The following BPIFB4 variants were observed in gnomAD, a reference collection of about 807,000 sequenced individuals.
BPIFB4 encodes the protein BPI fold containing family B member 4.
BPIFB4 carries 62 observed loss-of-function variants against 69.2 expected under a neutral mutation model. The observed-to-expected ratio is 0.90, with a 90% CI of 0.73 to 1.11. The LOEUF (loss-of-function observed/expected upper bound fraction) is 1.11. BPIFB4 is among the 50% of genes least tolerant of loss of function. The pLI is 0.00. For missense variants in BPIFB4, 789 were observed against 792.0 expected, an observed-to-expected ratio of 1.00 and a Z score of 0.04; for synonymous variants, 330 against 332.7, an observed-to-expected ratio of 0.99 and a Z score of 0.09.
intron 12 of BPIFB4, among the ~76,000 whole-genome samples, chr20:33,097,036 G>A (rs1469727660): frequency 3.3e-5 from 5 of 152,142 alleles, no homozygotes; most frequent in Admixed American, 1.3e-4. Flanking sequence ...CCAGCAATCC[G>A]GGCTCGGGGG....
rs763653111 is a variant in BPIFB4 at position 33,083,395 on chromosome 20, C to A, written c.198C>A (p.Phe66Leu). 1 of 1,613,492 alleles carries A rather than the reference C, an allele frequency of 6.2e-7. No homozygotes were observed. Reference protein sequence around the residue: ...LGVGDIPYNDFHVRGPPPVYT... With the variant: ...LGVGDIPYNDLHVRGPPPVYT... ...TTGGTGATATTCCCTACAATGACTTCCATGTCCGAGGACCCCCCCCAGTAT... is the reference window on the plus strand; with the variant it reads ...TTGGTGATATTCCCTACAATGACTTACATGTCCGAGGACCCCCCCCAGTAT... Residue 66 changes from phenylalanine to leucine, a missense_variant, in exon 5 of 18, where the codon TTC (phenylalanine) becomes TTA (leucine). Physicochemically the swap from Phe to Leu is conservative, Grantham distance 22. Coordinates refer to ENST00000375483, the MANE Select transcript of BPIFB4 (RefSeq NM_182519.3).
At position 33,083,584 on chromosome 20, in the gene BPIFB4, A is replaced by G. The variant is rs1291376079; in HGVS notation, c.387A>G (p.Ala129=). 6.2e-7 allele frequency: 1 copy of G among 1,613,924 alleles called. No individual in the cohort carries two copies. Among genetic ancestry groups the G allele is most frequent in the Non-Finnish European group, 8.5e-7 (1 of 1,179,976 alleles). Residue 129 remains alanine (A), a synonymous_variant, in exon 5 of 18, where the codon GCA becomes GCG. Coordinates refer to ENST00000375483, the MANE Select transcript of BPIFB4 (RefSeq NM_182519.3). ...RNSGYRSAEN[A]YGGHRGLGRY... Reference sequence around the variant, plus strand: ...GTGGCTATCGCAGTGCCGAGAATGCATATGGAGGCCACAGGGGCCTCGGGC... The same window carrying G: ...GTGGCTATCGCAGTGCCGAGAATGCGTATGGAGGCCACAGGGGCCTCGGGC...
chr20:33,089,539 C>T lies in BPIFB4; in HGVS notation c.1032C>T (p.Asp344=), dbSNP rs775785160. 10 of 1,614,132 alleles carry T rather than the reference C, an allele frequency of 6.2e-6. No homozygotes were observed. Among genetic ancestry groups the T allele is most frequent in the Non-Finnish European group, 6.8e-6 (8 of 1,180,046 alleles). The change falls in exon 9 of 18, where the codon GAC becomes GAT. Residue 344 remains aspartate, a synonymous_variant. Transcript: ENST00000375483. ...ATGTGGTGCTGGGTCTTGTCAATGA[C>T]CAGCTGGGCCTCGTGGATTGTAAGT... The part of the protein sequence containing the change: ...IVDVVLGLVN[D]QLGLVDSLIP...
Position 33,086,104 on chromosome 20 carries a change from G to A in BPIFB4, c.866G>A (p.Arg289Gln), listed in dbSNP as rs138318222. The change falls in exon 7 of 18, where the codon CGG becomes CAG. Residue 289 changes from arginine to glutamine, a missense_variant. This residue lies in a region of BPIFB4 where 611 missense variants were observed against 575.4 expected (regional missense o/e 1.06). Coordinates refer to ENST00000375483, the MANE Select transcript of BPIFB4 (RefSeq NM_182519.3). Reference sequence around the variant, plus strand: ...ACCATGGACCGCACGGGTTATCCTCGGCTGGTCATTGAGCGATGTGACACC... The same window carrying A: ...ACCATGGACCGCACGGGTTATCCTCAGCTGGTCATTGAGCGATGTGACACC... ...RLTMDRTGYP[R>Q]LVIERCDTLL... The A allele has an allele frequency of 1.3e-4, 206 of 1,613,514 alleles. 1 individual carries two copies. Among genetic ancestry groups the A allele is most frequent in the African/African-American group, 1.2e-3 (90 of 74,996 alleles).
chr20:33,107,742 A>C lies in BPIFB4; in HGVS notation c.1745-2A>C. ...CATGTCTGACTGTTTTTTATTTTAC[A>C]GCTGTGCTGGGTTCTGGCGTCCCTC... On this transcript the variant is annotated splice_acceptor_variant, in intron 16 of 17. Coordinates refer to ENST00000375483, the MANE Select transcript of BPIFB4 (RefSeq NM_182519.3). LOFTEE classifies it high-confidence loss of function. 6.2e-7 allele frequency: 1 copy of C among 1,613,214 alleles called. No homozygotes were observed. Among genetic ancestry groups the C allele is most frequent in the Admixed American group, 1.7e-5 (1 of 60,028 alleles).
intron 5 of BPIFB4, among the ~76,000 whole-genome samples, chr20:33,084,374 G>A (rs1255693725): frequency 1.3e-5 from 2 of 152,214 alleles, no homozygotes; most frequent in East Asian, 1.9e-4. Context: ...CTTGCAGGTT[G>A]ATAGGGTACA....
chr20:33,105,264 A>T (rs17124139), intron 16 of BPIFB4, among the ~76,000 whole-genome samples: 5,416 of 152,190 alleles, frequency 0.036, 161 homozygotes, highest in African/African-American at 0.085. Flanking sequence ...TATGATTGAG[A>T]TCTTTCCTGA....
chr20:33,085,442 C>G (rs2070324), intron 6 of BPIFB4, among the ~76,000 whole-genome samples: 61,798 of 151,758 alleles, frequency 0.41, 13,138 homozygotes, highest in East Asian at 0.78. Context: ...GCAACAAGAG[C>G]AAAACTCCAT....
chr20:33,109,920 C>T (rs541822973), intron 17 of BPIFB4, among the ~76,000 whole-genome samples: 113 of 152,208 alleles, frequency 7.4e-4, no homozygotes, highest in African/African-American at 2.5e-3. Flanking sequence ...ATAGGTCTAG[C>T]CATTTATTTT....
chr20:33,108,423 C>CTATA lies in BPIFB4; in HGVS notation c.1821+614_1821+617dup, dbSNP rs756747954. Among the ~76,000 whole-genome samples, 91 of 125,720 alleles carry CTATA rather than the reference C, an allele frequency of 7.2e-4. 2 individuals are homozygous for CTATA. The East Asian group carries it at 9.6e-3, about 13-fold the overall frequency. 82.5% of individuals were successfully genotyped at this position (125,720 alleles called of 152,430 possible). A position where few individuals can be genotyped will look rare whatever the true frequency, so the allele number is the denominator to read the frequency against. ...AAAGTATGCATCCATATATATATGT[C>CTATA]TATATATATATATAGACATATATAC... On this transcript the variant is annotated intron_variant, in intron 17 of 17. Coordinates refer to ENST00000375483, the MANE Select transcript of BPIFB4 (RefSeq NM_182519.3).
At chr20:33,111,325 T>A in intron 17 of BPIFB4, 89 bp from the exon 18 acceptor site, 2 of 1,552,664 alleles carry the variant, frequency 1.3e-6, no homozygotes, top group Non-Finnish European at 8.9e-7. Context: ...CCTAGAAACA[T>A]GACCGGCCAG....
intron 7 of BPIFB4, 72 bp downstream of exon 7, chr20:33,086,236 T>G: frequency 6.5e-7 from 1 of 1,545,168 alleles, no homozygotes; most frequent in Non-Finnish European, 8.9e-7. Flanking sequence ...CAACATGACG[T>G]CACCCACCTG....
intron 1 of BPIFB4, among the ~76,000 whole-genome samples, chr20:33,080,188 T>TC (rs1193597612): frequency 7.8e-6 from 1 of 128,996 alleles, no homozygotes; most frequent in Admixed American, 8.0e-5. Flanking sequence ...AGGGAAAGAA[T>TC]TTGGGGGCGC....
rs766349151 is a variant in BPIFB4, at chr20:33,084,925, G to A, written c.711G>A (p.Val237=). 3.0e-5 allele frequency: 49 copies of A among 1,610,540 alleles called. No individual in the cohort carries two copies. The Admixed American group carries it at 3.3e-4, about 11-fold the overall frequency. The change falls in exon 6 of 18, where the codon GTG becomes GTA. Residue 237 remains valine (V), a synonymous_variant. Coordinates refer to ENST00000375483, the MANE Select transcript of BPIFB4 (RefSeq NM_182519.3). ...LRIVELTLPR[V]SVRLLPGVGV... is the part of the protein sequence containing the mutation. The stretch of plus-strand genomic sequence containing the variant: ...TCGTGGAGCTGACCCTCCCTCGGGT[G>A]TCCGTGCGGCTCCTGCCCGGCGTGG...
chr20:33,110,270 A>G (rs1381969065), intron 17 of BPIFB4, among the ~76,000 whole-genome samples: 1 of 152,040 alleles, frequency 6.6e-6, no homozygotes, highest in Non-Finnish European at 1.5e-5. Context: ...AGTCTGGCCT[A>G]TTTTGTGCGA....
intron 10 of BPIFB4, among the ~76,000 whole-genome samples, chr20:33,091,618 C>T (rs1981602601): frequency 6.6e-6 from 1 of 152,224 alleles, no homozygotes; most frequent in Non-Finnish European, 1.5e-5. Context: ...GCATGCACAC[C>T]TAATATATTC....
intron 16 of BPIFB4, among the ~76,000 whole-genome samples, chr20:33,107,197 C>T: frequency 9.1e-6 from 1 of 109,508 alleles, no homozygotes; most frequent in Non-Finnish European, 1.9e-5. Context: ...GAGCAAGACT[C>T]AGTTAAAAAA....
At chr20:33,087,717 AACACAC>A (rs1555882746) in intron 7 of BPIFB4, among the ~76,000 whole-genome samples, 4,431 of 59,416 alleles carry the variant, frequency 0.075, 141 homozygotes, top group African/African-American at 0.18. Flanking sequence ...CTATCCCCTC[AACACAC>A]ACACACACAC....
intron 4 of BPIFB4, 25 bp downstream of exon 4, chr20:33,083,025 G>T: frequency 6.3e-7 from 1 of 1,599,688 alleles, no homozygotes; most frequent in Middle Eastern, 1.7e-4. Context: ...GATGGTGGTG[G>T]GCCTCTCCTG....
Sources: gnomAD v4.1 joint callset for allele counts (sites outside exome capture counted in the v4.1 genomes callset) on GRCh38, gnomAD v4.1.1 for gene constraint, gnomAD v4.1.1 regional missense constraint, MANE v1.5 for transcripts, NCBI Gene and HGNC (gene_info 2026-07-23, HGNC 2026-07-21) for gene names.